Variants in SNCAIP observed in about 807,000 individuals in gnomAD.
The protein encoded by SNCAIP is synuclein alpha interacting protein.
In SNCAIP, 43 loss-of-function variants were observed where a neutral mutation model predicts 86.7. That is an observed-to-expected ratio of 0.50 (90% CI 0.39 to 0.64). The LOEUF is 0.64. Ranked by LOEUF, SNCAIP falls within the 30% of genes least tolerant of loss-of-function variation. The pLI is 0.00. For missense variants in SNCAIP, 981 were observed against 1,103.1 expected, an observed-to-expected ratio of 0.89 and a Z score of 1.57; for synonymous variants, 417 against 427.2, an observed-to-expected ratio of 0.98 and a Z score of 0.29.
intron 1 of SNCAIP, among the ~76,000 whole-genome samples, chr5:122,317,741 T>C (rs1360061752): frequency 6.6e-6 from 1 of 152,128 alleles, no homozygotes; most frequent in East Asian, 1.9e-4. Flanking sequence ...ACAGCAGATA[T>C]CTATTAAATA....
chr5:122,342,499 T>C (rs927717690), intron 1 of SNCAIP, among the ~76,000 whole-genome samples: 13 of 152,312 alleles, frequency 8.5e-5, no homozygotes, highest in African/African-American at 2.4e-4. Context: ...TGCCACTTAA[T>C]AGCTGTCAGC....
chr5:122,350,523 T>G (rs1038734434), intron 1 of SNCAIP, among the ~76,000 whole-genome samples: 1 of 151,974 alleles, frequency 6.6e-6, no homozygotes, highest in African/African-American at 2.4e-5. Flanking sequence ...TGTTTGTTTT[T>G]TTTTTTTAAT....
At chr5:122,317,972 G>A (rs73279382) in intron 1 of SNCAIP, among the ~76,000 whole-genome samples, 25,788 of 151,702 alleles carry the variant, frequency 0.17, 2,284 homozygotes, top group South Asian at 0.3. Flanking sequence ...CCTCACCGCT[G>A]CCTGCTTGCT....
chr5:122,412,429 A>T (rs1774337470), intron 3 of SNCAIP, among the ~76,000 whole-genome samples: 1 of 152,150 alleles, frequency 6.6e-6, no homozygotes. Flanking sequence ...GCATTAGTTG[A>T]GACAATAGTC....
Position 122,356,095 on chromosome 5 carries a change from C to CTT in SNCAIP, c.-46-34973_-46-34972dup, listed in dbSNP as rs757246404. ...TATAATGTTGCAAGAGTTAGCCTTT[C>CTT]TTTTTTTTTTTTTTTTTTTTTTGAG... On this transcript the variant is annotated intron_variant, in intron 1 of 10. Transcript: ENST00000261368. 3.4e-3 allele frequency among the ~76,000 whole-genome samples: 353 copies of CTT among 102,764 alleles called. 19 individuals are homozygous for CTT. The highest frequency in any genetic ancestry group is 6.5e-3 in the African/African-American group (174 of 26,852). 67.4% of individuals were successfully genotyped at this position (102,764 alleles called of 152,430 possible). A position where few individuals can be genotyped will look rare whatever the true frequency, so the allele number is the denominator to read the frequency against.
chr5:122,360,026 A>G (rs1157678974), intron 1 of SNCAIP, among the ~76,000 whole-genome samples: 1 of 152,182 alleles, frequency 6.6e-6, no homozygotes, highest in Non-Finnish European at 1.5e-5. Context: ...GAACCTCTTT[A>G]TGCAGTCACA....
intron 1 of SNCAIP, among the ~76,000 whole-genome samples, chr5:122,382,060 C>T (rs1733715258): frequency 6.6e-6 from 1 of 152,092 alleles, no homozygotes; most frequent in African/African-American, 2.4e-5. Context: ...GTGGTTTTCT[C>T]TGTATTTCCT....
At chr5:122,385,345 C>G (rs1767885442) in intron 1 of SNCAIP, among the ~76,000 whole-genome samples, 1 of 152,204 alleles carries the variant, frequency 6.6e-6, no homozygotes, top group African/African-American at 2.4e-5. Context: ...CTTCTTGGCT[C>G]TCCTTCAGTT....
rs1787060163 is a variant in SNCAIP, at chr5:122,463,859, G to A, written c.*363G>A. 4.1e-6 allele frequency: 1 copy of A among 242,838 alleles called. No homozygotes were observed. The highest frequency in any genetic ancestry group is 2.2e-5 in the African/African-American group (1 of 44,566). 15.0% of individuals were successfully genotyped at this position (242,838 alleles called of 1,614,324 possible). ...ACCCTACCCACAGGACATTCACCAA[G>A]CCACTGATACCATTTTATATTTCAT... is the stretch of plus-strand genomic sequence containing the variant. On this transcript the variant is annotated 3_prime_UTR_variant, in exon 11 of 11. Transcript: ENST00000261368.
At chr5:122,340,551 T>TA (rs879283091) in intron 1 of SNCAIP, among the ~76,000 whole-genome samples, 4 of 152,144 alleles carry the variant, frequency 2.6e-5, no homozygotes, top group Non-Finnish European at 5.9e-5. Flanking sequence ...AATCTCTAGG[T>TA]AAAAAACCAT....
At chr5:122,362,209 ATGC>A (rs963925041) in intron 1 of SNCAIP, among the ~76,000 whole-genome samples, 2 of 152,150 alleles carry the variant, frequency 1.3e-5, no homozygotes, top group Non-Finnish European at 2.9e-5. Flanking sequence ...AACCTTCACA[ATGC>A]CCTCAGATAA....
intron 10 of SNCAIP, among the ~76,000 whole-genome samples, chr5:122,459,032 G>A (rs540272502): frequency 1.3e-5 from 2 of 152,226 alleles, no homozygotes; most frequent in South Asian, 2.1e-4. Context: ...TTCCCACAGC[G>A]GGGAAAAATG....
At chr5:122,337,061 G>A (rs1756624261) in intron 1 of SNCAIP, among the ~76,000 whole-genome samples, 1 of 152,172 alleles carries the variant, frequency 6.6e-6, no homozygotes, top group South Asian at 2.1e-4. Context: ...TGCAAAATGT[G>A]GCAGGAGTCA....
chr5:122,367,977 A>G (rs73794590), intron 1 of SNCAIP, among the ~76,000 whole-genome samples: 1,610 of 152,284 alleles, frequency 0.011, 23 homozygotes, highest in African/African-American at 0.034. Flanking sequence ...GGAGCCTGAG[A>G]CACACAGCAA....
At chr5:122,430,305 C>G (rs1278965054) in intron 5 of SNCAIP, among the ~76,000 whole-genome samples, 2 of 152,160 alleles carry the variant, frequency 1.3e-5, no homozygotes, top group Admixed American at 6.5e-5. Flanking sequence ...AAGCTGCAAA[C>G]TAGGAAGGCA....
At chr5:122,326,025 A>T (rs548536519) in intron 1 of SNCAIP, among the ~76,000 whole-genome samples, 214 of 152,328 alleles carry the variant, frequency 1.4e-3, no homozygotes, top group African/African-American at 4.9e-3. Context: ...ATAATTGGGT[A>T]TGCTTAAACT....
intron 10 of SNCAIP, among the ~76,000 whole-genome samples, chr5:122,458,692 C>T (rs1785385055): frequency 6.6e-6 from 1 of 152,140 alleles, no homozygotes; most frequent in Admixed American, 6.5e-5. Flanking sequence ...CCTGGATGGC[C>T]GGGCCACTCT....
At chr5:122,386,242 A>G (rs1029493323) in intron 1 of SNCAIP, among the ~76,000 whole-genome samples, 3 of 152,200 alleles carry the variant, frequency 2.0e-5, no homozygotes, top group East Asian at 3.8e-4. Flanking sequence ...TCACCTGAAT[A>G]TCATAATACG....
At chr5:122,406,647 C>T (rs1242684466) in intron 3 of SNCAIP, among the ~76,000 whole-genome samples, 1 of 152,000 alleles carries the variant, frequency 6.6e-6, no homozygotes, top group Non-Finnish European at 1.5e-5. Context: ...GTTTGTAATA[C>T]CTCTCCTACT....
Sources: gnomAD v4.1 joint callset for allele counts (sites outside exome capture counted in the v4.1 genomes callset) on GRCh38, gnomAD v4.1.1 for gene constraint, MANE v1.5 for transcripts, NCBI Gene and HGNC (gene_info 2026-07-23, HGNC 2026-07-21) for gene names.